Variants in CPT1A observed in about 807,000 individuals in gnomAD.
CPT1A encodes carnitine O-palmitoyltransferase 1, liver isoform.
Under a neutral mutation model 100.8 loss-of-function variants are expected in CPT1A, and 64 were observed. That is an observed-to-expected ratio of 0.63 (90% CI 0.52 to 0.78). The LOEUF (loss-of-function observed/expected upper bound fraction) is 0.78. Ranked by LOEUF, CPT1A falls within the 30% of genes least tolerant of loss-of-function variation. The pLI, the probability that CPT1A is intolerant of heterozygous loss-of-function variation, is 0.00. For missense variants in CPT1A, 802 were observed against 1,034.1 expected (o/e 0.78, Z 3.08); for synonymous variants, 363 against 396.0 (o/e 0.92, Z 0.99).
chr11:68,791,914 G>C (rs1355167447), intron 9 of CPT1A, among the ~76,000 whole-genome samples: 1 of 152,140 alleles, frequency 6.6e-6, no homozygotes, highest in African/African-American at 2.4e-5. Flanking sequence ...CCACTCAGAG[G>C]CCAGCTTTTG....
intron 14 of CPT1A, among the ~76,000 whole-genome samples, chr11:68,766,415 T>C (rs757025864): frequency 2.0e-5 from 3 of 152,182 alleles, no homozygotes; most frequent in Non-Finnish European, 4.4e-5. Flanking sequence ...TCGGTCTGAA[T>C]GTTAATTTTT....
chr11:68,839,691 G>A (rs537368498), intron 1 of CPT1A: 2 of 985,488 alleles, frequency 2.0e-6, no homozygotes, highest in African/African-American at 1.7e-5. Context: ...GTCTAAAAGG[G>A]GCTCACTGTG....
At position 68,784,972 on chromosome 11, in the gene CPT1A, C is replaced by T. The variant is rs1316418559; in HGVS notation, c.1006G>A (p.Val336Met). ...TTGAAGTAGCGTCCTCGATGGTACA[C>T]GACGATGTGCTTGCTGTCTCTCATG... is the stretch of plus-strand genomic sequence containing the variant. The part of the protein sequence containing the change: ...QHMRDSKHIV[V>M]YHRGRYFKVW... The change falls in exon 10 of 19, where the codon GTG becomes ATG. Residue 336 changes from valine to methionine, a missense_variant. Val to Met is a conservative substitution (Grantham distance 21). This residue lies in a region of CPT1A where 627 missense variants were observed against 799.3 expected (regional missense o/e 0.78). Coordinates refer to ENST00000265641, the MANE Select transcript of CPT1A (RefSeq NM_001876.4). 5.0e-6 allele frequency: 8 copies of T among 1,613,992 alleles called. No individual in the cohort carries two copies. Among genetic ancestry groups the T allele is most frequent in the Admixed American group, 1.7e-5 (1 of 60,018 alleles).
intron 1 of CPT1A, among the ~76,000 whole-genome samples, chr11:68,817,791 GCCA>G (rs1856473848): frequency 6.7e-6 from 1 of 149,584 alleles, no homozygotes; most frequent in Non-Finnish European, 1.5e-5. Flanking sequence ...TCAAGAGCAG[GCCA>G]GCGGGGTCAA....
At chr11:68,825,103 C>T (rs1366956683) in intron 1 of CPT1A, among the ~76,000 whole-genome samples, 3 of 152,114 alleles carry the variant, frequency 2.0e-5, no homozygotes, top group South Asian at 2.1e-4. Flanking sequence ...TATCTTTTAT[C>T]ATATCTGGGA....
chr11:68,786,869 C>G (rs1855477300), intron 9 of CPT1A, among the ~76,000 whole-genome samples: 1 of 152,170 alleles, frequency 6.6e-6, no homozygotes, highest in Admixed American at 6.5e-5. Flanking sequence ...ACCAAGGATG[C>G]AGGAGACCTG....
In CPT1A at chr11:68,780,680, T is replaced by C. The variant is rs1855283008; in HGVS notation, c.1418A>G (p.His473Arg). 6.2e-7 allele frequency: 1 copy of C among 1,614,116 alleles called. No homozygotes were observed. Among genetic ancestry groups the C allele is most frequent in the Non-Finnish European group, 8.5e-7 (1 of 1,180,018 alleles). Residue 473 changes from histidine to arginine, a missense_variant, in exon 12 of 19, where the codon CAC becomes CGC. Physicochemically the swap from His to Arg is conservative, Grantham distance 29 (BLOSUM62 0). This residue lies in a region of CPT1A where 627 missense variants were observed against 799.3 expected (regional missense o/e 0.78). Coordinates refer to ENST00000265641, the MANE Select transcript of CPT1A (RefSeq NM_001876.4). The stretch of plus-strand genomic sequence containing the variant: ...CACGATCGGCGCATCTGCCCAGGAG[T>C]GTTCAGCGTTGAGGCCCATCTTCCC... ...KNGKMGLNAEHSWADAPIVAH... is the reference protein window; with the variant it reads ...KNGKMGLNAERSWADAPIVAH...
chr11:68,764,997 G>A (rs1302830403), intron 14 of CPT1A, among the ~76,000 whole-genome samples: 1 of 152,176 alleles, frequency 6.6e-6, no homozygotes, highest in East Asian at 1.9e-4. Context: ...CGACACTCAA[G>A]ATTCCCTTGG....
At chr11:68,805,958 G>A (rs538439777) in intron 4 of CPT1A, among the ~76,000 whole-genome samples, 1 of 152,062 alleles carries the variant, frequency 6.6e-6, no homozygotes, top group African/African-American at 2.4e-5. Flanking sequence ...CGGAGGCCTC[G>A]AAAGTCCAGA....
intron 3 of CPT1A, among the ~76,000 whole-genome samples, chr11:68,810,893 G>C (rs1019936188): frequency 4.6e-5 from 7 of 152,088 alleles, no homozygotes; most frequent in Non-Finnish European, 8.8e-5. Context: ...GCTGAGGCAG[G>C]AGAATTGCTT....
intron 1 of CPT1A, among the ~76,000 whole-genome samples, chr11:68,830,178 T>C (rs1419368357): frequency 6.6e-6 from 1 of 152,066 alleles, no homozygotes; most frequent in African/African-American, 2.4e-5. Context: ...TTCTGGGGGC[T>C]GAGGTGGGAA....
At chr11:68,832,713 GCA>G (rs1011824744) in intron 1 of CPT1A, among the ~76,000 whole-genome samples, 3 of 152,226 alleles carry the variant, frequency 2.0e-5, no homozygotes, top group African/African-American at 7.2e-5. Context: ...CACTAGCATT[GCA>G]CAGTGCCCAT....
chr11:68,793,278 C>T (rs75425407), intron 9 of CPT1A, 37 bp downstream of exon 9: 1 of 1,499,794 alleles, frequency 6.7e-7, no homozygotes, highest in South Asian at 1.2e-5. Flanking sequence ...ATGGAAAGTG[C>T]CGATTCTCCA....
intron 2 of CPT1A, among the ~76,000 whole-genome samples, chr11:68,815,015 A>G (rs1427288366): frequency 6.6e-6 from 1 of 152,112 alleles, no homozygotes; most frequent in Non-Finnish European, 1.5e-5. Context: ...ACAAGGTGTA[A>G]AGGATTCTGA....
intron 14 of CPT1A, among the ~76,000 whole-genome samples, chr11:68,770,179 T>C (rs994930834): frequency 6.6e-6 from 1 of 152,102 alleles, no homozygotes; most frequent in Admixed American, 6.5e-5. Flanking sequence ...GGGCGAGTGC[T>C]CCTCGGCCTT....
chr11:68,800,250 C>T (rs560023911), intron 5 of CPT1A, among the ~76,000 whole-genome samples: 12 of 152,282 alleles, frequency 7.9e-5, no homozygotes, highest in African/African-American at 2.9e-4. Context: ...ACATGTGCTA[C>T]TTTGGTTGAA....
chr11:68,769,633 T>C (rs1421489248), intron 14 of CPT1A, among the ~76,000 whole-genome samples: 4 of 152,046 alleles, frequency 2.6e-5, no homozygotes, highest in Non-Finnish European at 5.9e-5. Context: ...TCCGCCTGAT[T>C]GCTTTTCTTT....
At position 68,804,162 on chromosome 11, in the gene CPT1A, C is replaced by T. The variant is rs142643951; in HGVS notation, c.454-61G>A. ...ATACTACTCTGAAGGCACCTGTTCT[C>T]GTCTGATCTCGTGAAGCTAAGCAGG... On this transcript the variant is annotated intron_variant, in intron 4 of 18. Coordinates refer to ENST00000265641, the MANE Select transcript of CPT1A (RefSeq NM_001876.4). 3.7e-4 allele frequency: 475 copies of T among 1,280,130 alleles called. 3 individuals are homozygous for T. The East Asian group carries it at 9.6e-3, about 26-fold the overall frequency. 79.3% of individuals were successfully genotyped at this position (1,280,130 alleles called of 1,614,324 possible). A position where few individuals can be genotyped will look rare whatever the true frequency, so the allele number is the denominator to read the frequency against.
chr11:68,835,169 T>G (rs532860140), intron 1 of CPT1A, among the ~76,000 whole-genome samples: 13 of 152,360 alleles, frequency 8.5e-5, no homozygotes, highest in African/African-American at 2.9e-4. Flanking sequence ...GACCCAGTTA[T>G]CTGACCTAGC....
Sources: gnomAD v4.1 joint callset for allele counts (sites outside exome capture counted in the v4.1 genomes callset) on GRCh38, gnomAD v4.1.1 for gene constraint, gnomAD v4.1.1 regional missense constraint, MANE v1.5 for transcripts, NCBI Gene and HGNC (gene_info 2026-07-23, HGNC 2026-07-21) for gene names.